The following RBAK variants were observed in gnomAD, a reference collection of about 807,000 sequenced individuals.
RBAK encodes RB-associated KRAB zinc finger protein.
Under a neutral mutation model 65.8 loss-of-function variants are expected in RBAK, and 39 were observed. That is an observed-to-expected ratio of 0.59 (90% CI 0.46 to 0.77). The LOEUF is 0.77. Ranked by LOEUF, RBAK falls within the 30% of genes least tolerant of loss-of-function variation. RBAK has a pLI of 0.00. For synonymous variants in RBAK, 343 were observed against 289.7 expected (o/e 1.18, Z -1.87); for missense variants, 884 against 855.1 (o/e 1.03, Z -0.42).
chr7:5,047,034 CAT>C (rs1302314113), intron 1 of RBAK, among the ~76,000 whole-genome samples: 1 of 152,220 alleles, frequency 6.6e-6, no homozygotes, highest in Non-Finnish European at 1.5e-5. Flanking sequence ...TATACACATT[CAT>C]TTCATTTCTG....
In RBAK at chr7:5,053,404, T is replaced by C. The variant is rs1788158007; in HGVS notation, c.16-3891T>C. Among the ~76,000 whole-genome samples, 4 of 152,228 alleles carry C rather than the reference T, an allele frequency of 2.6e-5. No individual in the cohort carries two copies. The South Asian group carries it at 8.3e-4, about 32-fold the overall frequency. On this transcript the variant is annotated intron_variant, in intron 2 of 4. Transcript: ENST00000396912. The stretch of plus-strand genomic sequence containing the variant: ...ATGTCTTTTTTTCTTTCCCCCCTTA[T>C]GTTGTAAACTTTTTATCACTAGTTT...
At chr7:5,061,356 C>T (rs764999396) in intron 4 of RBAK, among the ~76,000 whole-genome samples, 3 of 151,854 alleles carry the variant, frequency 2.0e-5, no homozygotes, top group Non-Finnish European at 4.4e-5. Flanking sequence ...GCAGGGAAAG[C>T]AGAATTTAAT....
At chr7:5,055,243 T>A (rs932594681) in intron 2 of RBAK, among the ~76,000 whole-genome samples, 4 of 131,592 alleles carry the variant, frequency 3.0e-5, no homozygotes, top group Non-Finnish European at 6.4e-5. Context: ...GACTGAGGCA[T>A]AAATGTGTGT....
chr7:5,061,644 T>C (rs1779074666), intron 4 of RBAK, among the ~76,000 whole-genome samples: 1 of 151,210 alleles, frequency 6.6e-6, no homozygotes, highest in Admixed American at 6.6e-5. Context: ...GTGTTTGTAA[T>C]CCCAGCACTT....
rs1245367653 is a variant in RBAK at position 5,069,009 on chromosome 7, C to G, written c.*3408C>G. The stretch of plus-strand genomic sequence containing the variant: ...GTTTAAAATTAGGGTAGCAGTTAGC[C>G]TTGGCCAAGGCTGAAAGGGGGCATT... On this transcript the variant is annotated 3_prime_UTR_variant, in exon 5 of 5. Transcript: ENST00000396912. The G allele has an allele frequency of 6.6e-6, 1 of 152,176 alleles. No homozygotes were observed. The highest frequency in any genetic ancestry group is 1.5e-5 in the Non-Finnish European group (1 of 68,038). 9.4% of individuals were successfully genotyped at this position (152,176 alleles called of 1,614,324 possible).
rs769673351 is a variant in RBAK, at chr7:5,057,378, C to T, written c.99C>T (p.Tyr33=). The change falls in exon 3 of 5, where the codon TAC becomes TAT. Residue 33 remains tyrosine (Y), a synonymous_variant. Coordinates refer to ENST00000396912, the MANE Select transcript of RBAK (RefSeq NM_021163.4). ...TGGACCCTGATGAGAAGATAACTTACAGGGATGTGATGTTGGAGAACTATA... is the reference window on the plus strand; with the variant it reads ...TGGACCCTGATGAGAAGATAACTTATAGGGATGTGATGTTGGAGAACTATA... ...QQLDPDEKIT[Y]RDVMLENYSH... 11 of 1,613,920 alleles carry T rather than the reference C, an allele frequency of 6.8e-6. No homozygotes were observed. The highest frequency in any genetic ancestry group is 8.5e-6 in the Non-Finnish European group (10 of 1,180,010).
At position 5,064,114 on chromosome 7, in the gene RBAK, T is replaced by G; in HGVS notation, c.658T>G (p.Phe220Val). The change falls in exon 5 of 5, where the codon TTT becomes GTT. Residue 220 changes from phenylalanine (F) to valine (V), a missense_variant. Phe to Val is a conservative substitution (Grantham distance 50). Transcript: ENST00000396912. This position sits in a 1 kb window ranked among gnomAD's most constrained non-coding sequence, Gnocchi z 6.3. ...CMEALDNEAV[F>V]IAHKRAYIGE... ...GGAAGCCTTAGACAATGAGGCTGTT[T>G]TTATTGCTCATAAGAGAGCTTACAT... 1 of 1,614,012 alleles carries G rather than the reference T, an allele frequency of 6.2e-7. No individual in the cohort carries two copies. Among genetic ancestry groups the G allele is most frequent in the South Asian group, 1.1e-5 (1 of 91,084 alleles).
At chr7:5,063,616 G>A (rs1562539689) in intron 4 of RBAK, 79 bp from the exon 5 acceptor site, 1 of 1,147,564 alleles carries the variant, frequency 8.7e-7, no homozygotes, top group Non-Finnish European at 1.2e-6. Flanking sequence ...CCCCACAATG[G>A]GGGCTCTTGA....
intron 2 of RBAK, among the ~76,000 whole-genome samples, chr7:5,052,008 G>T (rs916125508): frequency 6.6e-6 from 1 of 152,086 alleles, no homozygotes; most frequent in African/African-American, 2.4e-5. Flanking sequence ...TGCATTTGTG[G>T]TTCTCTTTCT....
Position 5,048,568 on chromosome 7 carries a change from C to CACCAAAAA in RBAK, c.15+477_15+478insACCAAAAA, listed in dbSNP as rs1261077538. ...TCAGCACCAAAAATGATTTGTGAAG[C>CACCAAAAA]TTGTATGTGTGGATAGTAGATTTTA... is the stretch of plus-strand genomic sequence containing the variant. On this transcript the variant is annotated intron_variant, in intron 2 of 4. Transcript: ENST00000396912. The surrounding 1 kb of genome is among the most constrained non-coding windows in gnomAD (Gnocchi z 4.4). Among the ~76,000 whole-genome samples, 2 of 152,168 alleles carry CACCAAAAA rather than the reference C, an allele frequency of 1.3e-5. No homozygotes were observed. Among genetic ancestry groups the CACCAAAAA allele is most frequent in the Non-Finnish European group, 2.9e-5 (2 of 68,036 alleles).
Position 5,064,932 on chromosome 7 carries a change from G to A in RBAK, c.1476G>A (p.Lys492=), listed in dbSNP as rs1339621956. The change falls in exon 5 of 5, where the codon AAG becomes AAA. Residue 492 remains lysine, a synonymous_variant. Transcript: ENST00000396912. The surrounding 1 kb of genome is among the most constrained non-coding windows in gnomAD (Gnocchi z 6.3). The part of the protein sequence containing the change: ...EKSHECSECG[K]FSQLYLTDHH... ...CCCATGAATGTAGTGAATGTGGAAA[G>A]TTCTCTCAGTTGTATCTCACCGACC... 1.2e-6 allele frequency: 2 copies of A among 1,613,972 alleles called. No homozygotes were observed. Among genetic ancestry groups the A allele is most frequent in the East Asian group, 2.2e-5 (1 of 44,846 alleles).
At chr7:5,061,744 A>G (rs956962236) in intron 4 of RBAK, among the ~76,000 whole-genome samples, 3 of 151,848 alleles carry the variant, frequency 2.0e-5, no homozygotes, top group Non-Finnish European at 4.4e-5. Flanking sequence ...CTAAAAATAC[A>G]AAAATTAGCT....
intron 2 of RBAK, among the ~76,000 whole-genome samples, chr7:5,055,844 G>T (rs1343086963): frequency 2.0e-5 from 3 of 151,900 alleles, no homozygotes; most frequent in Non-Finnish European, 4.4e-5. Flanking sequence ...TGGATGTTCT[G>T]CTTTAGTTTC....
In RBAK at chr7:5,046,186, C is replaced by T; in HGVS notation, c.-255C>T. 2.1e-6 allele frequency: 1 copy of T among 465,518 alleles called. No individual in the cohort carries two copies. Among genetic ancestry groups the T allele is most frequent in the Non-Finnish European group, 4.3e-6 (1 of 234,368 alleles). The allele number at this position is 465,518 out of a possible 1,614,324, so 28.8% of individuals were successfully genotyped here. On this transcript the variant is annotated 5_prime_UTR_variant, in exon 1 of 5. Coordinates refer to ENST00000396912, the MANE Select transcript of RBAK (RefSeq NM_021163.4). ...CCTGGCGGCCTGGCCCAGGCTGCCGCTGTACGGTGAGCCCGAGGGAGGCGG... is the reference window on the plus strand; with the variant it reads ...CCTGGCGGCCTGGCCCAGGCTGCCGTTGTACGGTGAGCCCGAGGGAGGCGG...
At position 5,066,131 on chromosome 7, in the gene RBAK, A is replaced by C. The variant is rs928183122; in HGVS notation, c.*530A>C. The C allele has an allele frequency of 2.6e-5, 4 of 152,636 alleles. No individual in the cohort carries two copies. Among genetic ancestry groups the C allele is most frequent in the African/African-American group, 9.6e-5 (4 of 41,466 alleles). The allele number at this position is 152,636 out of a possible 1,614,324, so 9.5% of individuals were successfully genotyped here. A position where few individuals can be genotyped will look rare whatever the true frequency, so the allele number is the denominator to read the frequency against. On this transcript the variant is annotated 3_prime_UTR_variant, in exon 5 of 5. Coordinates refer to ENST00000396912, the MANE Select transcript of RBAK (RefSeq NM_021163.4). ...GTTTTTTATCATGTCTTAAAAATGC[A>C]ATCTAATGGTAATTCTATGCAAGTT...
In RBAK at chr7:5,065,692, T is replaced by C; in HGVS notation, c.*91T>C. The C allele has an allele frequency of 1.0e-6, 1 of 964,214 alleles. No homozygotes were observed. The highest frequency in any genetic ancestry group is 2.4e-5 in the South Asian group (1 of 41,748). The allele number at this position is 964,214 out of a possible 1,614,324, so 59.7% of individuals were successfully genotyped here. On this transcript the variant is annotated 3_prime_UTR_variant, in exon 5 of 5. Transcript: ENST00000396912. The surrounding 1 kb of genome is among the most constrained non-coding windows in gnomAD (Gnocchi z 5.3). Reference sequence around the variant, plus strand: ...AAAGCGTTTATCTGAGAGTTCGTGTTCCTGAACGGTGAGAAGCATTTAGGC... The same window carrying C: ...AAAGCGTTTATCTGAGAGTTCGTGTCCCTGAACGGTGAGAAGCATTTAGGC...
chr7:5,052,635 T>C (rs1484106650), intron 2 of RBAK, among the ~76,000 whole-genome samples: 3 of 152,228 alleles, frequency 2.0e-5, no homozygotes, highest in Admixed American at 6.5e-5. Flanking sequence ...AATAGGATAC[T>C]TTCATTTCTC....
chr7:5,048,538 GCAGAT>G lies in RBAK; in HGVS notation c.15+451_15+455del, dbSNP rs1788045776. 6.6e-6 allele frequency among the ~76,000 whole-genome samples: 1 copy of G among 152,164 alleles called. No individual in the cohort carries two copies. Among genetic ancestry groups the G allele is most frequent in the African/African-American group, 2.4e-5 (1 of 41,434 alleles). On this transcript the variant is annotated intron_variant, in intron 2 of 4. Transcript: ENST00000396912. The surrounding 1 kb of genome is among the most constrained non-coding windows in gnomAD (Gnocchi z 4.4). ...TGTCCTGTAAAATATAGTTAGTGTG[GCAGAT>G]CAGCACCAAAAATGATTTGTGAAGC...
At position 5,046,249 on chromosome 7, in the gene RBAK, C is replaced by T. The variant is rs772705561; in HGVS notation, c.-192C>T. 1 of 514,282 alleles carries T rather than the reference C, an allele frequency of 1.9e-6. No homozygotes were observed. The highest frequency in any genetic ancestry group is 1.9e-5 in the African/African-American group (1 of 51,860). The allele number at this position is 514,282 out of a possible 1,614,324, so 31.9% of individuals were successfully genotyped here. On this transcript the variant is annotated 5_prime_UTR_variant, in exon 1 of 5. Transcript: ENST00000396912. ...GGAAGGACACCCGCCTGGATTTGCCCCTTAGGCCCGGCCCGGGCCCCTCGG... is the reference window on the plus strand; with the variant it reads ...GGAAGGACACCCGCCTGGATTTGCCTCTTAGGCCCGGCCCGGGCCCCTCGG...
Sources: gnomAD v4.1 joint callset for allele counts (sites outside exome capture counted in the v4.1 genomes callset) on GRCh38, gnomAD v4.1.1 for gene constraint, Gnocchi (gnomAD v3.1) non-coding constraint, MANE v1.5 for transcripts, NCBI Gene and HGNC (gene_info 2026-07-23, HGNC 2026-07-21) for gene names.